The following EXT2 variants were observed in gnomAD, a reference collection of about 807,000 sequenced individuals.
EXT2 encodes exostosin-2.
Under a neutral mutation model 81.6 loss-of-function variants are expected in EXT2, and 53 were observed. The observed-to-expected ratio is 0.65, with a 90% CI of 0.52 to 0.82. The LOEUF (loss-of-function observed/expected upper bound fraction) is 0.82, where lower values mean the gene tolerates loss of function less well. Ranked by LOEUF, EXT2 falls within the 40% of genes least tolerant of loss-of-function variation. EXT2 has a pLI of 0.00. For missense variants in EXT2, 774 were observed against 910.2 expected (o/e 0.85, Z 1.93); for synonymous variants, 320 against 340.0 (o/e 0.94, Z 0.65).
chr11:44,187,191 C>T (rs1281642395), intron 8 of EXT2, among the ~76,000 whole-genome samples: 3 of 151,954 alleles, frequency 2.0e-5, no homozygotes, highest in Non-Finnish European at 4.4e-5. Context: ...GTGTGCACCA[C>T]ATGCCGTGCT....
At chr11:44,117,127 G>A (rs1041529372) in intron 4 of EXT2, among the ~76,000 whole-genome samples, 1 of 151,936 alleles carries the variant, frequency 6.6e-6, no homozygotes, top group Non-Finnish European at 1.5e-5. Context: ...GTGCCACCAC[G>A]CCCAGCTAAT....
intron 10 of EXT2, among the ~76,000 whole-genome samples, chr11:44,217,780 G>A (rs1315885048): frequency 2.0e-5 from 3 of 152,144 alleles, no homozygotes; most frequent in African/African-American, 7.2e-5. Flanking sequence ...CTTTGAGAGA[G>A]ACAGTTTAAA....
intron 1 of EXT2, chr11:44,103,795 T>C (rs187783453): frequency 6.4e-6 from 2 of 312,422 alleles, no homozygotes; most frequent in East Asian, 2.1e-4. Flanking sequence ...TTTTCAAATG[T>C]ACTGGCATAA....
rs1956094985 is a variant in EXT2, at chr11:44,246,522, C to T, written c.*2235C>T. 6.6e-6 allele frequency among the ~76,000 whole-genome samples: 1 copy of T among 152,136 alleles called. No homozygotes were observed. On this transcript the variant is annotated 3_prime_UTR_variant, in exon 14 of 14. Transcript: ENST00000533608. ...ATTGGACTTTAAAGGCATTACAACT[C>T]CATTTAAAGTACCTCATTACTCCCA...
At chr11:44,104,994 C>G (rs1277592141) in intron 1 of EXT2, among the ~76,000 whole-genome samples, 1 of 152,092 alleles carries the variant, frequency 6.6e-6, no homozygotes, top group African/African-American at 2.4e-5. Context: ...AGGCAAATTC[C>G]TTGTTATGTT....
intron 8 of EXT2, among the ~76,000 whole-genome samples, chr11:44,195,464 T>C (rs560478536): frequency 1.8e-4 from 27 of 152,252 alleles, no homozygotes; most frequent in Admixed American, 7.9e-4. Flanking sequence ...AGATGGCGTT[T>C]CCTATTGTGT....
intron 7 of EXT2, among the ~76,000 whole-genome samples, chr11:44,160,008 G>A (rs1954907629): frequency 1.3e-5 from 2 of 152,172 alleles, no homozygotes; most frequent in Non-Finnish European, 2.9e-5. Flanking sequence ...ATCTTGTTAA[G>A]AACAAAATGC....
chr11:44,224,039 G>C (rs2135242927), intron 10 of EXT2, among the ~76,000 whole-genome samples: 1 of 152,316 alleles, frequency 6.6e-6, no homozygotes, highest in East Asian at 1.9e-4. Flanking sequence ...TCAATTTCAT[G>C]TTGTGATGTC....
chr11:44,209,595 T>G lies in EXT2; in HGVS notation c.1662+2636T>G, dbSNP rs538596905. Among the ~76,000 whole-genome samples the G allele has an allele frequency of 3.3e-4, 50 of 152,308 alleles. No homozygotes were observed. The Middle Eastern group carries it at 0.014, about 41-fold the overall frequency. ...GAAATTGGGAGCAGGCTTGATTGATTAAGGGAATAAATAAGTAAATATTTG... is the reference window on the plus strand; with the variant it reads ...GAAATTGGGAGCAGGCTTGATTGATGAAGGGAATAAATAAGTAAATATTTG... On this transcript the variant is annotated intron_variant, in intron 10 of 13. Transcript: ENST00000533608.
Position 44,114,239 on chromosome 11 carries a change from T to G in EXT2, c.681T>G (p.Asp227Glu), listed in dbSNP as rs757680866. The change falls in exon 4 of 14, where the codon GAT becomes GAG. Residue 227 changes from aspartate (D) to glutamate (E), a missense_variant. By Grantham distance (45) the Asp-to-Glu change is conservative. This residue lies in a region of EXT2 where 626 missense variants were observed against 670.5 expected (regional missense o/e 0.93). Coordinates refer to ENST00000533608, the MANE Select transcript of EXT2 (RefSeq NM_207122.2). ...CGTGGACTTACCGGCAAGGCTACGA[T>G]GTCAGCATTCCTGTCTATAGTCCAC... ...FSTWTYRQGY[D>E]VSIPVYSPLS... is the part of the protein sequence containing the mutation. 1.2e-6 allele frequency: 2 copies of G among 1,614,148 alleles called. No homozygotes were observed. The highest frequency in any genetic ancestry group is 4.5e-5 in the East Asian group (2 of 44,880).
intron 8 of EXT2, among the ~76,000 whole-genome samples, chr11:44,175,366 CT>C (rs369205323): frequency 6.7e-6 from 1 of 149,886 alleles, no homozygotes; most frequent in Non-Finnish European, 1.5e-5. Context: ...ATCTACCTTT[CT>C]TTTTTTTTCT....
chr11:44,144,096 CT>C (rs1288751751), intron 7 of EXT2: 2 of 680,432 alleles, frequency 2.9e-6, no homozygotes, highest in Non-Finnish European at 5.1e-6. Context: ...ATCAAACAAA[CT>C]TACGCTTTCT....
chr11:44,197,797 T>C (rs1325314876), intron 8 of EXT2, 32 bp from the exon 9 acceptor site: 2 of 1,612,590 alleles, frequency 1.2e-6, no homozygotes, highest in Non-Finnish European at 8.5e-7. Flanking sequence ...TACAGCTGCT[T>C]TTCTGACCCG....
chr11:44,123,399 C>T (rs1210686951), intron 4 of EXT2, among the ~76,000 whole-genome samples: 1 of 152,202 alleles, frequency 6.6e-6, no homozygotes, highest in African/African-American at 2.4e-5. Flanking sequence ...TGGGCTGTAC[C>T]AGTTTGAGCT....
At chr11:44,213,555 A>G (rs987417996) in intron 10 of EXT2, among the ~76,000 whole-genome samples, 1 of 152,246 alleles carries the variant, frequency 6.6e-6, no homozygotes, top group Non-Finnish European at 1.5e-5. Context: ...AGCTAAATGG[A>G]AATTTCAAAA....
intron 10 of EXT2, among the ~76,000 whole-genome samples, chr11:44,217,591 T>A (rs1955735147): frequency 6.6e-6 from 1 of 152,218 alleles, no homozygotes; most frequent in South Asian, 2.1e-4. Flanking sequence ...TTTATGTATT[T>A]TACTAGGAAA....
chr11:44,163,848 G>T (rs906178218), intron 7 of EXT2, among the ~76,000 whole-genome samples: 7 of 152,144 alleles, frequency 4.6e-5, no homozygotes, highest in Non-Finnish European at 1.0e-4. Flanking sequence ...TGGTTCTCTT[G>T]GGTTTTGGGG....
Position 44,108,205 on chromosome 11 carries a change from C to G in EXT2, c.493C>G (p.Leu165Val). Residue 165 changes from leucine (L) to valine (V), a missense_variant, in exon 2 of 14, where the codon CTG becomes GTG. Leu to Val is a conservative substitution (Grantham distance 32, BLOSUM62 1). This residue lies in a region of EXT2 where 626 missense variants were observed against 670.5 expected (regional missense o/e 0.93). Transcript: ENST00000533608. Reference sequence around the variant, plus strand: ...CATCGATGTGCTTAACCAGAACACACTGCGCATCAAGGAGACAGCACAAGC... The same window carrying G: ...CATCGATGTGCTTAACCAGAACACAGTGCGCATCAAGGAGACAGCACAAGC... ...PSIDVLNQNT[L>V]RIKETAQAMA... The G allele has an allele frequency of 6.2e-7, 1 of 1,613,684 alleles. No homozygotes were observed. Among genetic ancestry groups the G allele is most frequent in the Non-Finnish European group, 8.5e-7 (1 of 1,180,020 alleles).
chr11:44,234,422 A>G (rs1328776523), intron 12 of EXT2, among the ~76,000 whole-genome samples, 179 bp downstream of exon 12: 1 of 152,200 alleles, frequency 6.6e-6, no homozygotes, highest in Non-Finnish European at 1.5e-5. Context: ...GGCTTTGACA[A>G]TTTAAACATA....
Sources: gnomAD v4.1 joint callset for allele counts (sites outside exome capture counted in the v4.1 genomes callset) on GRCh38, gnomAD v4.1.1 for gene constraint, gnomAD v4.1.1 regional missense constraint, MANE v1.5 for transcripts, NCBI Gene and HGNC (gene_info 2026-07-23, HGNC 2026-07-21) for gene names.